Variants in NTRK3 observed in about 807,000 individuals in gnomAD.
NTRK3 encodes neurotrophic receptor tyrosine kinase 3, also known as NT-3 growth factor receptor.
NTRK3 carries 24 observed loss-of-function variants against 91.7 expected under a neutral mutation model. That is an observed-to-expected ratio of 0.26 (90% CI 0.19 to 0.37). The LOEUF (loss-of-function observed/expected upper bound fraction) is 0.37, where lower values mean the gene tolerates loss of function less well. Among genes scored for constraint, NTRK3 ranks in the 10% least tolerant of loss-of-function variants. NTRK3 has a pLI of 1.00. For missense variants in NTRK3, 880 were observed against 1,068.9 expected, an observed-to-expected ratio of 0.82 and a Z score of 2.46; for synonymous variants, 483 against 404.0, an observed-to-expected ratio of 1.20 and a Z score of -2.34.
chr15:88,121,168 T>C (rs1567457474), intron 13 of NTRK3, among the ~76,000 whole-genome samples: 3 of 152,226 alleles, frequency 2.0e-5, no homozygotes, highest in South Asian at 4.1e-4. Context: ...GCTCACCTTA[T>C]ACTTTCTATT....
At chr15:87,978,968 G>A (rs1052533931) in intron 14 of NTRK3, 6 of 364,566 alleles carry the variant, frequency 1.6e-5, no homozygotes, top group African/African-American at 1.0e-4. Flanking sequence ...CTGGAGCACG[G>A]CTGGACTTCA....
intron 5 of NTRK3, among the ~76,000 whole-genome samples, chr15:88,164,643 T>C (rs2044762107): frequency 6.6e-6 from 1 of 152,134 alleles, no homozygotes. Context: ...CTGCCAGCAA[T>C]ACCCATGTCC....
intron 3 of NTRK3, among the ~76,000 whole-genome samples, chr15:88,230,538 A>T (rs1434762290): frequency 6.6e-6 from 1 of 152,232 alleles, no homozygotes; most frequent in African/African-American, 2.4e-5. Context: ...AAAGAAGAGT[A>T]AAAAGTTATT....
chr15:88,186,573 T>A (rs527502955), intron 3 of NTRK3, among the ~76,000 whole-genome samples: 43 of 152,302 alleles, frequency 2.8e-4, no homozygotes, highest in African/African-American at 9.9e-4. Flanking sequence ...AAGGCAGTGG[T>A]CGTCAAGCTA....
chr15:88,026,575 T>C (rs888273645), intron 14 of NTRK3, among the ~76,000 whole-genome samples: 2 of 152,182 alleles, frequency 1.3e-5, no homozygotes. Context: ...CACTATGCTT[T>C]TGTCAAAACC....
At chr15:87,861,192 G>T in exon 19 of NTRK3, 1 of 221,480 alleles carries the variant, frequency 4.5e-6, no homozygotes, top group Non-Finnish European at 9.0e-6. Context: ...GATCAGACAA[G>T]ATATAATAGC....
intron 14 of NTRK3, among the ~76,000 whole-genome samples, chr15:87,952,722 C>G (rs2071257957): frequency 1.3e-5 from 2 of 152,288 alleles, no homozygotes; most frequent in African/African-American, 4.8e-5. Flanking sequence ...GCCCACCCTC[C>G]GCAGACTGAG....
chr15:88,133,009 G>A (rs1417962662), intron 10 of NTRK3, among the ~76,000 whole-genome samples: 1 of 152,240 alleles, frequency 6.6e-6, no homozygotes, highest in South Asian at 2.1e-4. Flanking sequence ...GGGAGTACTG[G>A]AGTCACCTGG....
At chr15:88,081,021 G>A (rs2047994089) in intron 13 of NTRK3, among the ~76,000 whole-genome samples, 1 of 152,242 alleles carries the variant, frequency 6.6e-6, no homozygotes, top group Non-Finnish European at 1.5e-5. Flanking sequence ...AGCGGAGAGA[G>A]GCTGGGATGA....
At chr15:87,948,545 G>A (rs977361118) in intron 14 of NTRK3, among the ~76,000 whole-genome samples, 18 of 152,120 alleles carry the variant, frequency 1.2e-4, no homozygotes, top group African/African-American at 3.1e-4. Flanking sequence ...AAAATTATCC[G>A]CACTCAGTGC....
At chr15:88,126,239 T>G (rs1191975318) in intron 13 of NTRK3, 32 bp downstream of exon 13, 1 of 1,448,036 alleles carries the variant, frequency 6.9e-7, no homozygotes, top group East Asian at 2.3e-5. Context: ...TTTCCCCCCA[T>G]GACGCCCTTG....
At chr15:87,952,294 A>C (rs2071206306) in intron 14 of NTRK3, among the ~76,000 whole-genome samples, 2 of 150,606 alleles carry the variant, frequency 1.3e-5, no homozygotes, top group African/African-American at 2.4e-5. Flanking sequence ...GAAAAGAAAG[A>C]CTCCTCTTTC....
chr15:88,228,746 G>T (rs2050905263), intron 3 of NTRK3, among the ~76,000 whole-genome samples: 1 of 152,150 alleles, frequency 6.6e-6, no homozygotes, highest in Non-Finnish European at 1.5e-5. Flanking sequence ...GGAACTGGAG[G>T]TCTGCAAGCC....
chr15:88,190,404 T>C (rs2047293422), intron 3 of NTRK3, among the ~76,000 whole-genome samples: 1 of 152,202 alleles, frequency 6.6e-6, no homozygotes, highest in Non-Finnish European at 1.5e-5. Context: ...CTTACATCAA[T>C]ACGACCAGCC....
intron 13 of NTRK3, among the ~76,000 whole-genome samples, chr15:88,124,362 C>A (rs2053059339): frequency 6.6e-6 from 1 of 152,316 alleles, no homozygotes; most frequent in Non-Finnish European, 1.5e-5. Context: ...AGGGGAGGAA[C>A]CACCCTGGGT....
At chr15:88,054,231 T>TA (rs2045487973) in intron 13 of NTRK3, among the ~76,000 whole-genome samples, 2 of 152,244 alleles carry the variant, frequency 1.3e-5, no homozygotes, top group African/African-American at 4.8e-5. Context: ...AACCATTAAA[T>TA]AATAACATTA....
intron 13 of NTRK3, among the ~76,000 whole-genome samples, chr15:88,093,426 G>C (rs183108536): frequency 1.7e-4 from 26 of 152,280 alleles, no homozygotes; most frequent in Admixed American, 5.9e-4. Flanking sequence ...CAGTAGACCT[G>C]CTATGTGCCA....
rs1357201949 is a variant in NTRK3, at chr15:87,924,367, T to C, written c.2133+4824A>G. Among the ~76,000 whole-genome samples the C allele has an allele frequency of 2.0e-5, 3 of 152,142 alleles. No individual in the cohort carries two copies. The South Asian group carries it at 6.2e-4, about 32-fold the overall frequency. On this transcript the variant is annotated intron_variant, in intron 17 of 18. Coordinates refer to ENST00000394480, the Ensembl canonical transcript of NTRK3. ...CTTCCTAAGGATTACTGTTACTGTC[T>C]TTCTAGGAGTTTCTGGGAACCCTGA...
intron 3 of NTRK3, among the ~76,000 whole-genome samples, chr15:88,222,905 A>C (rs561683898): frequency 1.3e-5 from 2 of 152,324 alleles, no homozygotes; most frequent in Admixed American, 1.3e-4. Flanking sequence ...CGGCGAAGTG[A>C]GACCAAGGGG....
Sources: allele counts gnomAD v4.1 joint callset (sites outside exome capture counted in the v4.1 genomes callset), GRCh38; gene constraint gnomAD v4.1.1; transcripts MANE v1.5; gene names NCBI Gene and HGNC (gene_info 2026-07-23, HGNC 2026-07-21).